The following RNF216 variants were observed in gnomAD, a reference collection of about 807,000 sequenced individuals.
The protein encoded by RNF216 is ring finger protein 216.
RNF216 carries 72 observed loss-of-function variants against 110.8 expected under a neutral mutation model. The observed-to-expected ratio is 0.65, with a 90% CI of 0.54 to 0.79. The LOEUF (loss-of-function observed/expected upper bound fraction) is 0.79, where lower values mean the gene tolerates loss of function less well. Ranked by LOEUF, RNF216 falls within the 30% of genes least tolerant of loss-of-function variation. RNF216 has a pLI of 0.00. For missense variants in RNF216, 1,342 were observed against 1,141.2 expected, an observed-to-expected ratio of 1.18 and a Z score of -2.54; for synonymous variants, 495 against 407.5, an observed-to-expected ratio of 1.21 and a Z score of -2.59.
chr7:5,705,949 AAACAAAAC>A (rs1479136370), intron 13 of RNF216, among the ~76,000 whole-genome samples: 40 of 151,148 alleles, frequency 2.6e-4, no homozygotes, highest in African/African-American at 9.5e-4. Flanking sequence ...AAACAAAACA[AAACAAAAC>A]AAAACAAAAC....
At chr7:5,738,639 C>T (rs1436102665) in intron 5 of RNF216, among the ~76,000 whole-genome samples, 7 of 128,352 alleles carry the variant, frequency 5.5e-5, no homozygotes, top group Admixed American at 9.8e-5. Flanking sequence ...ACCTGGGAGG[C>T]GGAGCTTGCA....
chr7:5,670,265 G>C lies in RNF216; in HGVS notation c.2062-17755C>G, dbSNP rs74873233. Among the ~76,000 whole-genome samples, 289 of 152,106 alleles carry C rather than the reference G, an allele frequency of 1.9e-3. 4 individuals are homozygous for C. The highest frequency in any genetic ancestry group is 0.01 in the Middle Eastern group (3 of 294). ...TCACTTTCATAAACAACCTGGATGT[G>C]AGACTTTCAGGATCCATTTCCTGCA... On this transcript the variant is annotated intron_variant, in intron 13 of 16. Transcript: ENST00000389902.
At chr7:5,764,440 G>A (rs1031172425) in intron 1 of RNF216, among the ~76,000 whole-genome samples, 1 of 152,084 alleles carries the variant, frequency 6.6e-6, no homozygotes, top group East Asian at 1.9e-4. Context: ...TTGAAGTCAG[G>A]AGTTCGAGAC....
rs117547683 is a variant in RNF216 at position 5,756,308 on chromosome 7, C to G, written c.68-3329G>C. Among the ~76,000 whole-genome samples, 2,113 of 152,334 alleles carry G rather than the reference C, an allele frequency of 0.014. 156 individuals carry two copies. The East Asian group carries it at 0.22, about 16-fold the overall frequency. On this transcript the variant is annotated intron_variant, in intron 2 of 16. Transcript: ENST00000389902. ...CTCTTTCCGTCATAAATTACCCAGT[C>G]TCAGGCATTTCTTCCTAGCAGTGTG... is the stretch of plus-strand genomic sequence containing the variant.
intron 1 of RNF216, among the ~76,000 whole-genome samples, chr7:5,765,235 G>C (rs1281383827): frequency 6.6e-6 from 1 of 152,088 alleles, no homozygotes; most frequent in African/African-American, 2.4e-5. Flanking sequence ...GTCGAGGCCA[G>C]TGGATTGCTT....
chr7:5,765,263 C>T (rs1796142504), intron 1 of RNF216, among the ~76,000 whole-genome samples: 2 of 151,786 alleles, frequency 1.3e-5, no homozygotes, highest in African/African-American at 4.8e-5. Flanking sequence ...GGAGTTGAGA[C>T]CAGCCTGGGC....
rs113959719 is a variant in RNF216 at position 5,710,592 on chromosome 7, T to C, written c.2061+1169A>G. On this transcript the variant is annotated intron_variant, in intron 13 of 16. Transcript: ENST00000389902. ...TCAATAGGCAAGTAGACTTTCCTTA[T>C]ATTTTATCTCTCCCCACCTCAGGAC... Among the ~76,000 whole-genome samples, 509 of 152,306 alleles carry C rather than the reference T, an allele frequency of 3.3e-3. 1 individual carries two copies. The highest frequency in any genetic ancestry group is 5.5e-3 in the Non-Finnish European group (377 of 68,014).
At chr7:5,757,459 A>G (rs4720640) in intron 2 of RNF216, among the ~76,000 whole-genome samples, 124,649 of 151,968 alleles carry the variant, frequency 0.82, 52,945 homozygotes, top group Non-Finnish European at 0.92. Flanking sequence ...TTTCCTTCCT[A>G]ACAAAATTTT....
chr7:5,762,122 CAT>C (rs1258740713), intron 1 of RNF216, among the ~76,000 whole-genome samples: 1 of 151,914 alleles, frequency 6.6e-6, no homozygotes, highest in Admixed American at 6.6e-5. Flanking sequence ...AAATAAAATT[CAT>C]ATGATACAAC....
intron 9 of RNF216, among the ~76,000 whole-genome samples, chr7:5,719,504 G>A (rs1222732129): frequency 2.0e-5 from 3 of 152,180 alleles, no homozygotes; most frequent in East Asian, 1.9e-4. Context: ...GACTACAGGG[G>A]TCGGGTTAAG....
At chr7:5,675,146 T>C (rs1350954613) in intron 13 of RNF216, among the ~76,000 whole-genome samples, 1 of 152,206 alleles carries the variant, frequency 6.6e-6, no homozygotes, top group African/African-American at 2.4e-5. Context: ...CAGGGAACAA[T>C]GTAGTGATTC....
chr7:5,632,916 C>T (rs774902076), intron 15 of RNF216, among the ~76,000 whole-genome samples: 1 of 152,160 alleles, frequency 6.6e-6, no homozygotes, highest in Non-Finnish European at 1.5e-5. Context: ...AATGCAGTGT[C>T]AAGGACAAAG....
chr7:5,705,665 T>C (rs1584482497), intron 13 of RNF216, among the ~76,000 whole-genome samples: 1 of 152,126 alleles, frequency 6.6e-6, no homozygotes, highest in Non-Finnish European at 1.5e-5. Flanking sequence ...TCCCAGCACT[T>C]TGGGAGGCCA....
chr7:5,668,191 C>G (rs553649050), intron 13 of RNF216, among the ~76,000 whole-genome samples: 159 of 151,680 alleles, frequency 1.0e-3, no homozygotes, highest in African/African-American at 3.8e-3. Flanking sequence ...TCATAAAAAT[C>G]AAATCCCTTC....
chr7:5,724,794 A>C (rs1450475680), intron 8 of RNF216, among the ~76,000 whole-genome samples: 1 of 152,214 alleles, frequency 6.6e-6, no homozygotes, highest in Non-Finnish European at 1.5e-5. Flanking sequence ...ACTCAGATAA[A>C]ATCTGAGTTG....
chr7:5,728,981 C>G (rs969731624), intron 7 of RNF216, among the ~76,000 whole-genome samples: 7 of 152,128 alleles, frequency 4.6e-5, no homozygotes, highest in Admixed American at 6.6e-5. Flanking sequence ...TAGGATCCTG[C>G]GGGGAGAACG....
At chr7:5,707,953 C>G (rs1792408705) in intron 13 of RNF216, among the ~76,000 whole-genome samples, 1 of 152,184 alleles carries the variant, frequency 6.6e-6, no homozygotes, top group African/African-American at 2.4e-5. Context: ...TCTCGAACTC[C>G]AGAATTCAGG....
chr7:5,684,329 G>C (rs568161109), intron 13 of RNF216, among the ~76,000 whole-genome samples: 1 of 151,826 alleles, frequency 6.6e-6, no homozygotes, highest in Non-Finnish European at 1.5e-5. Context: ...GGATGGTCTC[G>C]ATCTCCTGAC....
chr7:5,650,788 C>T (rs1052792877), intron 14 of RNF216, among the ~76,000 whole-genome samples: 1 of 152,160 alleles, frequency 6.6e-6, no homozygotes, highest in Non-Finnish European at 1.5e-5. Flanking sequence ...GATAACCTCC[C>T]CATCTCAAGG....
Sources: gnomAD v4.1 joint callset for allele counts (sites outside exome capture counted in the v4.1 genomes callset) on GRCh38, gnomAD v4.1.1 for gene constraint, MANE v1.5 for transcripts, NCBI Gene and HGNC (gene_info 2026-07-23, HGNC 2026-07-21) for gene names.